Variants in NXPE4 observed in about 807,000 individuals in gnomAD.
NXPE4 encodes the protein neurexophilin and PC-esterase domain family member 4.
A neutral mutation model predicts 33.3 loss-of-function variants in NXPE4; 42 were observed. That is an observed-to-expected ratio of 1.26 (90% CI 0.98 to 1.63). The LOEUF (loss-of-function observed/expected upper bound fraction) is 1.63. NXPE4 is among the 40% of genes most tolerant of loss of function. The pLI is 0.00. For missense variants in NXPE4, 709 were observed against 647.6 expected (o/e 1.09, Z -1.03); for synonymous variants, 253 against 234.9 (o/e 1.08, Z -0.71).
the NXPE4 span, among the ~76,000 whole-genome samples, chr11:114,618,747 C>T: frequency 2.0e-5 from 3 of 152,008 alleles, no homozygotes; most frequent in Admixed American, 6.6e-5. Flanking sequence ...AGTGTTATCT[C>T]GTGCGTAGCC....
In NXPE4 at chr11:114,583,020, A is replaced by G. The variant is rs185749351; in HGVS notation, c.98T>C (p.Val33Ala). The G allele has an allele frequency of 2.0e-4, 323 of 1,602,662 alleles. 1 individual carries two copies. In the African/African-American group the frequency reaches 3.8e-3, roughly 19 times the overall value. The change falls in exon 3 of 6, where the codon GTT becomes GCT. Residue 33 changes from valine to alanine, a missense_variant and splice_region_variant. Transcript: ENST00000375478. ...IFTVFQNSTKVWSALNLSISL... is the reference protein window; with the variant it reads ...IFTVFQNSTKAWSALNLSISL... Reference sequence around the variant, plus strand: ...GATGGATAAGTTTAGAGCAGACCAAACCTGAAATGACAGCAAATGTGACAT... The same window carrying G: ...GATGGATAAGTTTAGAGCAGACCAAGCCTGAAATGACAGCAAATGTGACAT...
chr11:114,611,114 ATAGT>A, the NXPE4 span, among the ~76,000 whole-genome samples: 12 of 140,552 alleles, frequency 8.5e-5, no homozygotes, highest in African/African-American at 3.2e-4. Context: ...AAACCAGTGG[ATAGT>A]TAGTATTGCC....
chr11:114,640,100 G>GT, the NXPE4 span, among the ~76,000 whole-genome samples: 1 of 116,182 alleles, frequency 8.6e-6, no homozygotes, highest in Non-Finnish European at 1.6e-5. Context: ...TATAATATAT[G>GT]ATTATATATT....
the NXPE4 span, among the ~76,000 whole-genome samples, chr11:114,655,214 C>T: frequency 1.3e-5 from 2 of 152,222 alleles, 1 homozygote; most frequent in South Asian, 4.2e-4. Flanking sequence ...CTTGTAAATG[C>T]TGGATATTAA....
chr11:114,668,510 C>T, the NXPE4 span, among the ~76,000 whole-genome samples: 13,964 of 152,074 alleles, frequency 0.092, 756 homozygotes, highest in Middle Eastern at 0.2. Flanking sequence ...TGAGGTTCTA[C>T]AGGTACACAC....
Position 114,582,316 on chromosome 11 carries a change from T to A in NXPE4, c.802A>T (p.Ser268Cys). The change falls in exon 3 of 6, where the codon AGC (serine) becomes TGC (cysteine). Residue 268 changes from serine (S) to cysteine (C), a missense_variant. Physicochemically the swap from Ser to Cys is moderately radical, Grantham distance 112. Coordinates refer to ENST00000375478, the MANE Select transcript of NXPE4 (RefSeq NM_001077639.2). Reference protein sequence around the residue: ...YSKNKKVSYLSKQEKSLFERS... With the variant: ...YSKNKKVSYLCKQEKSLFERS... ...TCAAAGAGGCTCTTTTCTTGTTTGC[T>A]AAGATAAGAAACTTTCTTGTTCTTA... The A allele has an allele frequency of 6.3e-7, 1 of 1,587,432 alleles. No homozygotes were observed. The highest frequency in any genetic ancestry group is 8.6e-7 in the Non-Finnish European group (1 of 1,167,634).
chr11:114,676,292 G>A, the NXPE4 span, among the ~76,000 whole-genome samples: 33 of 151,518 alleles, frequency 2.2e-4, no homozygotes, highest in African/African-American at 8.0e-4. Context: ...GTACTGCAAG[G>A]GAGACAATTA....
the NXPE4 span, among the ~76,000 whole-genome samples, chr11:114,674,126 C>CAAACAAACAAACA: frequency 3.7e-5 from 3 of 80,924 alleles, no homozygotes; most frequent in African/African-American, 8.2e-5. Context: ...AACAAACAAA[C>CAAACAAACAAACA]AAGTGAACAA....
the NXPE4 span, among the ~76,000 whole-genome samples, chr11:114,620,011 A>T: frequency 6.6e-6 from 1 of 151,760 alleles, no homozygotes; most frequent in Non-Finnish European, 1.5e-5. Flanking sequence ...CTCGTGGGTA[A>T]CCATTGTTAC....
At position 114,576,943 on chromosome 11, in the gene NXPE4, C is replaced by A. The variant is rs2135197140; in HGVS notation, c.1099+3189G>T. On this transcript the variant is annotated intron_variant, in intron 5 of 5. Coordinates refer to ENST00000375478, the MANE Select transcript of NXPE4 (RefSeq NM_001077639.2). ...CAAAAATAAGGAACCAGCCCAAATGCCCATTAATCAATGAGTGGATAAAGA... is the reference window on the plus strand; with the variant it reads ...CAAAAATAAGGAACCAGCCCAAATGACCATTAATCAATGAGTGGATAAAGA... 2.0e-5 allele frequency among the ~76,000 whole-genome samples: 3 copies of A among 146,746 alleles called. No individual in the cohort carries two copies. In the South Asian group the frequency reaches 6.5e-4, roughly 32 times the overall value.
the NXPE4 span, among the ~76,000 whole-genome samples, chr11:114,675,865 T>C: frequency 6.6e-6 from 1 of 151,928 alleles, no homozygotes; most frequent in East Asian, 1.9e-4. Flanking sequence ...CAAGCTCTAG[T>C]AATCAAAACA....
chr11:114,623,618 T>C, the NXPE4 span, among the ~76,000 whole-genome samples: 1 of 151,550 alleles, frequency 6.6e-6, no homozygotes, highest in Non-Finnish European at 1.5e-5. Context: ...GGTTACCCGT[T>C]TTACCCACTG....
chr11:114,583,908 G>A, intron 2 of NXPE4: 1 of 394,366 alleles, frequency 2.5e-6, no homozygotes, highest in Non-Finnish European at 4.9e-6. Flanking sequence ...GCTGGCAAAG[G>A]CAGATATTAT....
At chr11:114,575,592 T>C (rs1216380215) in intron 5 of NXPE4, among the ~76,000 whole-genome samples, 1 of 151,454 alleles carries the variant, frequency 6.6e-6, no homozygotes, top group African/African-American at 2.4e-5. Context: ...CCTTTCACAA[T>C]AGCTGTAAAA....
At chr11:114,640,476 AGTG>A in the NXPE4 span, among the ~76,000 whole-genome samples, 3 of 151,644 alleles carry the variant, frequency 2.0e-5, no homozygotes, top group Non-Finnish European at 4.4e-5. Flanking sequence ...GACACCAAGT[AGTG>A]GGATTGCTGC....
chr11:114,632,418 TAATATA>T, the NXPE4 span, among the ~76,000 whole-genome samples: 42 of 131,980 alleles, frequency 3.2e-4, no homozygotes, highest in Admixed American at 7.3e-4. Context: ...TAATTTTATA[TAATATA>T]AATATAAATA....
chr11:114,663,708 AT>A, the NXPE4 span, among the ~76,000 whole-genome samples: 2 of 150,896 alleles, frequency 1.3e-5, no homozygotes, highest in African/African-American at 4.9e-5. Flanking sequence ...CTATCTATCT[AT>A]CTATCTGATC....
In NXPE4 at chr11:114,587,287, C is replaced by T. The variant is rs542744144; in HGVS notation, c.97-4266G>A. 5.3e-5 allele frequency among the ~76,000 whole-genome samples: 8 copies of T among 152,316 alleles called. No individual in the cohort carries two copies. In the South Asian group the frequency reaches 1.2e-3, roughly 24 times the overall value. ...CCTACGTTCTTTTAAGGCACCTATTCTGCCTCCAATTAAAATGGTACTTAA... is the reference window on the plus strand; with the variant it reads ...CCTACGTTCTTTTAAGGCACCTATTTTGCCTCCAATTAAAATGGTACTTAA... On this transcript the variant is annotated intron_variant, in intron 2 of 5. Coordinates refer to ENST00000375478, the MANE Select transcript of NXPE4 (RefSeq NM_001077639.2).
intron 4 of NXPE4, among the ~76,000 whole-genome samples, chr11:114,581,398 T>C (rs913040564): frequency 6.6e-6 from 1 of 152,036 alleles, no homozygotes; most frequent in Non-Finnish European, 1.5e-5. Flanking sequence ...GGGAGTGGTA[T>C]GAAGAGAGGT....
Sources: allele counts gnomAD v4.1 joint callset (sites outside exome capture counted in the v4.1 genomes callset), GRCh38; gene constraint gnomAD v4.1.1; transcripts MANE v1.5; gene names NCBI Gene and HGNC (gene_info 2026-07-23, HGNC 2026-07-21).